The following PTPRD variants were observed in gnomAD, a reference collection of about 807,000 sequenced individuals.
PTPRD encodes the protein protein tyrosine phosphatase receptor type D, also known as receptor-type tyrosine-protein phosphatase delta.
PTPRD carries 34 observed loss-of-function variants against 214.5 expected under a neutral mutation model. That is an observed-to-expected ratio of 0.16 (90% CI 0.12 to 0.21). The LOEUF is 0.21. PTPRD is among the 10% of genes least tolerant of loss of function. PTPRD has a pLI of 1.00. For missense variants in PTPRD, 2,545 were observed against 2,398.7 expected (o/e 1.06, Z -1.27); for synonymous variants, 1,128 against 845.7 (o/e 1.33, Z -5.79).
In PTPRD at chr9:9,474,207, A is replaced by G. The variant is rs190283392; in HGVS notation, c.-236-76725T>C. 7.9e-5 allele frequency among the ~76,000 whole-genome samples: 12 copies of G among 152,174 alleles called. No individual in the cohort carries two copies. In the East Asian group the frequency reaches 2.3e-3, roughly 29 times the overall value. ...CCAGTTTTCCAGCACCATTTATTGA[A>G]GATTGTCCTTTCCCTAACGTATCTT... On this transcript the variant is annotated intron_variant, in intron 8 of 45. Coordinates refer to ENST00000381196, the MANE Select transcript of PTPRD (RefSeq NM_002839.4).
At chr9:10,442,043 G>A (rs2098762778) in intron 2 of PTPRD, among the ~76,000 whole-genome samples, 1 of 151,504 alleles carries the variant, frequency 6.6e-6, no homozygotes, top group Non-Finnish European at 1.5e-5. Flanking sequence ...AATGTTTGAA[G>A]ACCTTACATA....
At chr9:9,310,839 A>C (rs2135454711) in intron 9 of PTPRD, among the ~76,000 whole-genome samples, 1 of 151,848 alleles carries the variant, frequency 6.6e-6, no homozygotes, top group South Asian at 2.1e-4. Flanking sequence ...AATCTCTTGA[A>C]CCCAGGAGGC....
At chr9:9,115,904 A>G (rs2099811916) in intron 10 of PTPRD, among the ~76,000 whole-genome samples, 1 of 152,182 alleles carries the variant, frequency 6.6e-6, no homozygotes, top group Non-Finnish European at 1.5e-5. Context: ...AAAGAATGAA[A>G]TTATATCCTT....
chr9:9,579,986 AGAT>A (rs1176300115), intron 7 of PTPRD, among the ~76,000 whole-genome samples: 3 of 152,124 alleles, frequency 2.0e-5, no homozygotes, highest in Non-Finnish European at 4.4e-5. Flanking sequence ...GTTTCACTTA[AGAT>A]GATGACCTCC....
chr9:9,287,860 G>A (rs1950003824), intron 9 of PTPRD, among the ~76,000 whole-genome samples: 2 of 151,730 alleles, frequency 1.3e-5, no homozygotes, highest in African/African-American at 2.4e-5. Context: ...TATTAAGAAG[G>A]TGCAAACATA....
chr9:9,855,352 G>A (rs1278383141), intron 5 of PTPRD, among the ~76,000 whole-genome samples: 3 of 152,158 alleles, frequency 2.0e-5, no homozygotes, highest in African/African-American at 7.2e-5. Flanking sequence ...CAGGAACGCT[G>A]AGTAAAACAA....
At chr9:10,492,173 A>G (rs833410) in intron 2 of PTPRD, among the ~76,000 whole-genome samples, 82,377 of 151,864 alleles carry the variant, frequency 0.54, 22,477 homozygotes, top group East Asian at 0.64. Flanking sequence ...CAATAAATAT[A>G]TGTGTGTATG....
intron 12 of PTPRD, among the ~76,000 whole-genome samples, chr9:8,638,476 C>A (rs1370766395): frequency 6.6e-6 from 1 of 152,078 alleles, no homozygotes; most frequent in Non-Finnish European, 1.5e-5. Flanking sequence ...CTTGGTATGA[C>A]ATATGAAATA....
intron 11 of PTPRD, among the ~76,000 whole-genome samples, chr9:8,848,313 C>CTTTTTTTTTTTTT (rs371491854): frequency 7.5e-6 from 1 of 132,668 alleles, no homozygotes; most frequent in Non-Finnish European, 1.6e-5. Context: ...AAGATTTTTC[C>CTTTTTTTTTTTTT]TTTTTTTTTT....
At chr9:10,199,905 A>G (rs970597289) in intron 3 of PTPRD, among the ~76,000 whole-genome samples, 112 of 149,604 alleles carry the variant, frequency 7.5e-4, no homozygotes, top group Middle Eastern at 3.4e-3. Flanking sequence ...ACTCGCGCGC[A>G]CACACGCACA....
intron 4 of PTPRD, among the ~76,000 whole-genome samples, chr9:10,024,791 C>A (rs1244956504): frequency 4.2e-5 from 5 of 118,210 alleles, no homozygotes; most frequent in Non-Finnish European, 8.5e-5. Flanking sequence ...TCCCCCCACC[C>A]CACAACAGGC....
At chr9:9,867,906 G>T (rs1022356241) in intron 5 of PTPRD, among the ~76,000 whole-genome samples, 1 of 152,154 alleles carries the variant, frequency 6.6e-6, no homozygotes, top group East Asian at 1.9e-4. Flanking sequence ...TCCCCAGAAA[G>T]AAATCTGGAA....
Position 9,192,223 on chromosome 9 carries a change from A to AT in PTPRD, c.-202-8861dup, listed in dbSNP as rs548398826. Among the ~76,000 whole-genome samples the AT allele has an allele frequency of 4.3e-3, 655 of 151,844 alleles. 6 individuals are homozygous for AT. The highest frequency in any genetic ancestry group is 0.015 in the African/African-American group (627 of 41,274). ...TAATGTTAAATTTTATATAGCAAAG[A>AT]TAAAAAAAAAGCTGTAAGAAAAAAA... On this transcript the variant is annotated intron_variant, in intron 9 of 45. Transcript: ENST00000381196.
chr9:9,805,068 C>A (rs891061348), intron 5 of PTPRD, among the ~76,000 whole-genome samples: 5 of 151,944 alleles, frequency 3.3e-5, no homozygotes, highest in African/African-American at 1.2e-4. Context: ...TAAGTGTAAA[C>A]ACTCTCTTTT....
At chr9:9,152,859 C>T (rs910487343) in intron 10 of PTPRD, among the ~76,000 whole-genome samples, 11 of 152,150 alleles carry the variant, frequency 7.2e-5, no homozygotes, top group East Asian at 3.9e-4. Context: ...TTAGAATCTT[C>T]GTGAACCAGA....
chr9:9,295,521 A>C (rs568030643), intron 9 of PTPRD, among the ~76,000 whole-genome samples: 1 of 151,794 alleles, frequency 6.6e-6, no homozygotes, highest in Middle Eastern at 3.2e-3. Flanking sequence ...CCAAATAACT[A>C]CTTGAAACAT....
At chr9:9,551,741 T>G (rs944611277) in intron 8 of PTPRD, among the ~76,000 whole-genome samples, 1 of 151,972 alleles carries the variant, frequency 6.6e-6, no homozygotes. Flanking sequence ...AAGCTGATCT[T>G]AGAACCCCAC....
intron 11 of PTPRD, among the ~76,000 whole-genome samples, chr9:8,914,115 G>A (rs2098767811): frequency 6.6e-6 from 1 of 151,998 alleles, no homozygotes. Context: ...TTCATGCAGT[G>A]GCATGTCTAG....
intron 2 of PTPRD, among the ~76,000 whole-genome samples, chr9:10,610,268 T>C (rs1274180004): frequency 6.6e-6 from 1 of 152,176 alleles, no homozygotes; most frequent in Non-Finnish European, 1.5e-5. Flanking sequence ...ACAGCTTTCA[T>C]TCAGGCTATT....
Sources: gnomAD v4.1 joint callset for allele counts (sites outside exome capture counted in the v4.1 genomes callset) on GRCh38, gnomAD v4.1.1 for gene constraint, MANE v1.5 for transcripts, NCBI Gene and HGNC (gene_info 2026-07-23, HGNC 2026-07-21) for gene names.